The following DSCAM variants were observed in gnomAD, a reference collection of about 807,000 sequenced individuals.
DSCAM encodes the protein DS cell adhesion molecule.
Under a neutral mutation model 217.7 loss-of-function variants are expected in DSCAM, and 47 were observed. The observed-to-expected ratio is 0.22, with a 90% CI of 0.17 to 0.28. DSCAM has a LOEUF of 0.28. DSCAM is among the 10% of genes least tolerant of loss of function. The probability of loss-of-function intolerance (pLI) is 1.00; values close to 1 mark genes in which losing one functional copy is unlikely to be tolerated. For synonymous variants in DSCAM, 1,056 were observed against 1,015.3 expected (o/e 1.04, Z -0.76); for missense variants, 2,080 against 2,618.3 (o/e 0.79, Z 4.49).
Position 40,823,319 on chromosome 21 carries a change from C to T in DSCAM, c.43+23300G>A, listed in dbSNP as rs76149881. On this transcript the variant is annotated intron_variant, in intron 1 of 32. Coordinates refer to ENST00000400454, the MANE Select transcript of DSCAM (RefSeq NM_001389.5). ...AAAAAAAAACCATTAAGCTGCTCAA[C>T]GAAAAAGTGAGGCTGCAGATGTGAA... Among the ~76,000 whole-genome samples, 1,371 of 151,564 alleles carry T rather than the reference C, an allele frequency of 9.0e-3. 21 individuals carry two copies. The highest frequency in any genetic ancestry group is 0.031 in the African/African-American group (1,294 of 41,248).
chr21:40,507,618 C>G (rs994726193), intron 3 of DSCAM, among the ~76,000 whole-genome samples: 7 of 151,910 alleles, frequency 4.6e-5, no homozygotes, highest in African/African-American at 1.7e-4. Context: ...TGGTGAAACC[C>G]CTCTCTACAA....
Position 40,128,704 on chromosome 21 carries a change from A to C in DSCAM, c.3563-4376T>G, listed in dbSNP as rs909395307. Among the ~76,000 whole-genome samples the C allele has an allele frequency of 4.2e-4, 63 of 151,666 alleles. No homozygotes were observed. The East Asian group carries it at 5.9e-3, about 14-fold the overall frequency. On this transcript the variant is annotated intron_variant, in intron 19 of 32. Transcript: ENST00000400454. ...ACTCCAGCCTCATAACCAAACAAAA[A>C]AAAAAAAAAAAAAAGATCCCATATC...
At chr21:40,659,674 CCTATCTGT>C (rs761378375) in intron 3 of DSCAM, among the ~76,000 whole-genome samples, 7 of 151,632 alleles carry the variant, frequency 4.6e-5, no homozygotes, top group East Asian at 1.9e-4. Context: ...CGTCTATCTG[CCTATCTGT>C]CTATCTATTA....
rs539535856 is a variant in DSCAM at position 40,839,597 on chromosome 21, C to G, written c.43+7022G>C. Among the ~76,000 whole-genome samples the G allele has an allele frequency of 2.2e-3, 342 of 152,168 alleles. 1 individual carries two copies. Among genetic ancestry groups the G allele is most frequent in the South Asian group, 0.014 (67 of 4,816 alleles). On this transcript the variant is annotated intron_variant, in intron 1 of 32. Transcript: ENST00000400454. ...ACTTCTAGAATATTCTGCAGAGAGTCCAAAGAGATTTCATAATATTTCTGC... is the reference window on the plus strand; with the variant it reads ...ACTTCTAGAATATTCTGCAGAGAGTGCAAAGAGATTTCATAATATTTCTGC...
chr21:40,658,072 T>A (rs1170551811), intron 3 of DSCAM, among the ~76,000 whole-genome samples: 1 of 152,166 alleles, frequency 6.6e-6, no homozygotes, highest in Non-Finnish European at 1.5e-5. Flanking sequence ...AACATTTGTA[T>A]TGCAGACACA....
At chr21:40,556,934 C>T (rs995024642) in intron 3 of DSCAM, among the ~76,000 whole-genome samples, 10 of 151,880 alleles carry the variant, frequency 6.6e-5, no homozygotes, top group African/African-American at 2.4e-4. Flanking sequence ...ATTGAGTAGG[C>T]TGAGGAAGAG....
intron 30 of DSCAM, among the ~76,000 whole-genome samples, chr21:40,046,337 C>CA (rs1275539977): frequency 6.6e-6 from 1 of 152,194 alleles, no homozygotes; most frequent in Non-Finnish European, 1.5e-5. Context: ...TCAGAATACT[C>CA]AATCTTGGTA....
intron 11 of DSCAM, among the ~76,000 whole-genome samples, chr21:40,193,523 T>C (rs543554473): frequency 7.1e-4 from 108 of 152,298 alleles, no homozygotes; most frequent in Middle Eastern, 3.4e-3. Context: ...GACACCCACA[T>C]ATAATTTAGC....
At chr21:40,059,417 GTC>G (rs2089079552) in intron 28 of DSCAM, among the ~76,000 whole-genome samples, 1 of 152,190 alleles carries the variant, frequency 6.6e-6, no homozygotes, top group Non-Finnish European at 1.5e-5. Flanking sequence ...GAGGGATGCA[GTC>G]TCTCTTCTCT....
At chr21:40,177,073 G>T (rs2090741954) in intron 15 of DSCAM, among the ~76,000 whole-genome samples, 1 of 152,250 alleles carries the variant, frequency 6.6e-6, no homozygotes, top group African/African-American at 2.4e-5. Context: ...GGAGAAGATT[G>T]AGCAGGAAGT....
At chr21:40,150,329 A>C (rs2090411606) in intron 16 of DSCAM, among the ~76,000 whole-genome samples, 2 of 152,256 alleles carry the variant, frequency 1.3e-5, no homozygotes, top group Admixed American at 6.5e-5. Flanking sequence ...AATTTAATAG[A>C]TCACATGAAG....
chr21:40,790,659 T>A (rs7282753), intron 1 of DSCAM, among the ~76,000 whole-genome samples: 32,427 of 151,970 alleles, frequency 0.21, 4,575 homozygotes, highest in African/African-American at 0.41. Flanking sequence ...TGCACATGTG[T>A]ATGTGAGTGT....
chr21:40,035,596 G>A (rs1350264609), intron 32 of DSCAM, among the ~76,000 whole-genome samples: 1 of 141,958 alleles, frequency 7.0e-6, no homozygotes, highest in East Asian at 2.0e-4. Flanking sequence ...GTCAACATTA[G>A]ACAGATCAAC....
chr21:40,232,312 A>G (rs960697), intron 11 of DSCAM, among the ~76,000 whole-genome samples: 86,809 of 152,082 alleles, frequency 0.57, 26,898 homozygotes, highest in African/African-American at 0.83. Context: ...CTGTTATGGG[A>G]TGGCTGGCTT....
At chr21:40,502,654 G>A (rs552865812) in intron 3 of DSCAM, among the ~76,000 whole-genome samples, 2 of 152,234 alleles carry the variant, frequency 1.3e-5, no homozygotes, top group East Asian at 3.9e-4. Context: ...GGGTTCTCCC[G>A]TCTCTTCCTT....
rs916850753 is a variant in DSCAM at position 40,149,900 on chromosome 21, C to T, written c.3019-5169G>A. Among the ~76,000 whole-genome samples the T allele has an allele frequency of 2.0e-5, 3 of 151,506 alleles. 1 individual carries two copies. Among genetic ancestry groups the T allele is most frequent in the African/African-American group, 7.3e-5 (3 of 40,988 alleles). On this transcript the variant is annotated intron_variant, in intron 16 of 32. Transcript: ENST00000400454. ...CCAACATCACTATAACGACAACCAT[C>T]CATTATTCCATCACTATCCCAACAC... is the stretch of plus-strand genomic sequence containing the variant.
intron 3 of DSCAM, among the ~76,000 whole-genome samples, chr21:40,573,717 A>G (rs1027704772): frequency 1.3e-4 from 20 of 152,256 alleles, no homozygotes; most frequent in African/African-American, 4.6e-4. Context: ...AAATTTGTTT[A>G]AGACAGTTTA....
chr21:40,106,900 A>T (rs1210156705), intron 20 of DSCAM, among the ~76,000 whole-genome samples: 7 of 145,402 alleles, frequency 4.8e-5, no homozygotes, highest in African/African-American at 7.7e-5. Flanking sequence ...TATCTATTTT[A>T]TTTTTTTTTT....
intron 9 of DSCAM, among the ~76,000 whole-genome samples, chr21:40,305,475 T>C (rs954297543): frequency 1.3e-5 from 2 of 152,128 alleles, no homozygotes; most frequent in Non-Finnish European, 2.9e-5. Context: ...CTGGCTTTTG[T>C]TTCCATTGCT....
Sources: allele counts gnomAD v4.1 joint callset (sites outside exome capture counted in the v4.1 genomes callset), GRCh38; gene constraint gnomAD v4.1.1; transcripts MANE v1.5; gene names NCBI Gene and HGNC (gene_info 2026-07-23, HGNC 2026-07-21).